Variants in TNFAIP8 observed in about 807,000 individuals in gnomAD.
The protein encoded by TNFAIP8 is tumor necrosis factor alpha-induced protein 8.
In TNFAIP8, 7 loss-of-function variants were observed where a neutral mutation model predicts 13.3. The observed-to-expected ratio is 0.52, with a 90% CI of 0.30 to 0.99. The LOEUF (loss-of-function observed/expected upper bound fraction) is 0.99, where lower values mean the gene tolerates loss of function less well. TNFAIP8 is among the 50% of genes least tolerant of loss of function. The pLI is 0.07. For missense variants in TNFAIP8, 258 were observed against 236.9 expected, an observed-to-expected ratio of 1.09 and a Z score of -0.58; for synonymous variants, 94 against 87.6, an observed-to-expected ratio of 1.07 and a Z score of -0.41.
intron 1 of TNFAIP8, among the ~76,000 whole-genome samples, chr5:119,270,765 C>G (rs1300766521): frequency 6.6e-6 from 1 of 152,148 alleles, no homozygotes; most frequent in African/African-American, 2.4e-5. Flanking sequence ...TTGTGTTAAG[C>G]TCTTTGGATT....
At chr5:119,343,497 G>A (rs1750807216) in intron 1 of TNFAIP8, among the ~76,000 whole-genome samples, 1 of 152,120 alleles carries the variant, frequency 6.6e-6, no homozygotes, top group South Asian at 2.1e-4. Flanking sequence ...ACTTTTTGGG[G>A]AAGAGGAGAT....
intron 1 of TNFAIP8, among the ~76,000 whole-genome samples, chr5:119,330,538 T>C (rs2112705204): frequency 6.6e-6 from 1 of 152,148 alleles, no homozygotes; most frequent in East Asian, 1.9e-4. Flanking sequence ...CCTCATGGCC[T>C]CTCCTCTCAG....
At chr5:119,287,672 T>C (rs1748847373) in intron 1 of TNFAIP8, among the ~76,000 whole-genome samples, 1 of 152,202 alleles carries the variant, frequency 6.6e-6, no homozygotes, top group African/African-American at 2.4e-5. Context: ...AGTTTTGTTA[T>C]CTCTAGAACT....
chr5:119,318,261 G>A (rs944514140), intron 1 of TNFAIP8, among the ~76,000 whole-genome samples: 15 of 150,472 alleles, frequency 1.0e-4, no homozygotes, highest in African/African-American at 3.2e-4. Flanking sequence ...TACCTTTAGT[G>A]CTCTATATCA....
chr5:119,297,927 A>G (rs1418236684), intron 1 of TNFAIP8, among the ~76,000 whole-genome samples: 1 of 151,946 alleles, frequency 6.6e-6, no homozygotes, highest in Non-Finnish European at 1.5e-5. Flanking sequence ...TAGGATTGCA[A>G]CCCCTGCCTT....
Position 119,395,311 on chromosome 5 carries a change from G to T in TNFAIP8, c.*1930G>T, listed in dbSNP as rs1330502160. The stretch of plus-strand genomic sequence containing the variant: ...CCAGCTGTTTTCCTCACATGTGAAG[G>T]CTGAGAATGTGATGGGGGGTGTGAG... On this transcript the variant is annotated 3_prime_UTR_variant, in exon 2 of 2. Coordinates refer to ENST00000504771, the MANE Select transcript of TNFAIP8 (RefSeq NM_014350.4). The T allele has an allele frequency of 1.3e-5, 2 of 152,222 alleles. No homozygotes were observed. Among genetic ancestry groups the T allele is most frequent in the East Asian group, 3.8e-4 (2 of 5,196 alleles). The allele number at this position is 152,222 out of a possible 1,614,324, so 9.4% of individuals were successfully genotyped here. A position where few individuals can be genotyped will look rare whatever the true frequency, so the allele number is the denominator to read the frequency against.
chr5:119,277,426 A>G (rs1748491687), intron 1 of TNFAIP8, among the ~76,000 whole-genome samples: 1 of 152,118 alleles, frequency 6.6e-6, no homozygotes, highest in Non-Finnish European at 1.5e-5. Flanking sequence ...TTCAGCCTGA[A>G]GAATAAAAAT....
chr5:119,280,988 G>A (rs1263256874), intron 1 of TNFAIP8, among the ~76,000 whole-genome samples: 1 of 151,864 alleles, frequency 6.6e-6, no homozygotes, highest in African/African-American at 2.4e-5. Context: ...TTTTTACTGA[G>A]ACTCAAATTG....
chr5:119,292,633 T>A (rs1275312949), intron 1 of TNFAIP8, among the ~76,000 whole-genome samples: 3 of 110,386 alleles, frequency 2.7e-5, no homozygotes, highest in Non-Finnish European at 3.7e-5. Context: ...AGTGAATGAA[T>A]AATCAATGTA....
At chr5:119,322,127 C>T (rs1750076205) in intron 1 of TNFAIP8, among the ~76,000 whole-genome samples, 1 of 152,168 alleles carries the variant, frequency 6.6e-6, no homozygotes, top group Non-Finnish European at 1.5e-5. Flanking sequence ...CAGGAGAAAG[C>T]CTATCCAAAA....
intron 1 of TNFAIP8, among the ~76,000 whole-genome samples, chr5:119,314,501 A>C (rs1749827052): frequency 6.6e-6 from 1 of 152,226 alleles, no homozygotes; most frequent in African/African-American, 2.4e-5. Flanking sequence ...TCTGGAACAA[A>C]ATTTGTGTAT....
intron 1 of TNFAIP8, among the ~76,000 whole-genome samples, chr5:119,365,233 A>G (rs1336916954): frequency 6.6e-6 from 1 of 151,988 alleles, no homozygotes; most frequent in African/African-American, 2.4e-5. Context: ...ACAGGAGTGC[A>G]TGTCTTAGAA....
At chr5:119,391,753 C>A (rs1752899062) in intron 1 of TNFAIP8, among the ~76,000 whole-genome samples, 1 of 142,166 alleles carries the variant, frequency 7.0e-6, no homozygotes, top group Admixed American at 7.0e-5. Flanking sequence ...GAGTGAAACT[C>A]CGTCTCAAAA....
At chr5:119,350,345 T>C (rs1751075845) in intron 1 of TNFAIP8, among the ~76,000 whole-genome samples, 1 of 152,216 alleles carries the variant, frequency 6.6e-6, no homozygotes, top group African/African-American at 2.4e-5. Context: ...TTAAAGCATA[T>C]GGGATGATAT....
At chr5:119,297,726 A>G (rs1277466939) in intron 1 of TNFAIP8, among the ~76,000 whole-genome samples, 2 of 152,020 alleles carry the variant, frequency 1.3e-5, no homozygotes, top group Non-Finnish European at 2.9e-5. Context: ...TCCCATTATT[A>G]TTGTGTGGGA....
chr5:119,388,934 G>A (rs141979059), intron 1 of TNFAIP8, among the ~76,000 whole-genome samples: 116 of 152,118 alleles, frequency 7.6e-4, no homozygotes, highest in African/African-American at 2.7e-3. Context: ...GTGAGCCACT[G>A]CGCCCGGCCC....
At chr5:119,365,097 C>G (rs542148212) in intron 1 of TNFAIP8, among the ~76,000 whole-genome samples, 4 of 152,030 alleles carry the variant, frequency 2.6e-5, no homozygotes, top group African/African-American at 9.7e-5. Flanking sequence ...GGTGATCCTC[C>G]TGCCTTGGCC....
intron 1 of TNFAIP8, among the ~76,000 whole-genome samples, chr5:119,304,622 T>C (rs191946264): frequency 6.6e-6 from 1 of 152,350 alleles, no homozygotes; most frequent in East Asian, 1.9e-4. Context: ...GTTGGGAATG[T>C]TGTGCAAAGA....
intron 1 of TNFAIP8, among the ~76,000 whole-genome samples, chr5:119,371,864 G>A (rs941590099): frequency 3.9e-5 from 6 of 152,204 alleles, no homozygotes; most frequent in Middle Eastern, 3.4e-3. Flanking sequence ...TCGGCCGGGC[G>A]TGGTGGCTCA....
Sources: gnomAD v4.1 joint callset for allele counts (sites outside exome capture counted in the v4.1 genomes callset) on GRCh38, gnomAD v4.1.1 for gene constraint, MANE v1.5 for transcripts, NCBI Gene and HGNC (gene_info 2026-07-23, HGNC 2026-07-21) for gene names.